Variants in SGIP1 observed in about 807,000 individuals in gnomAD.
SGIP1 encodes SH3GL interacting endocytic adaptor 1.
Under a neutral mutation model 107.5 loss-of-function variants are expected in SGIP1, and 38 were observed. The ratio of observed to expected loss-of-function variants is 0.35; its 90% confidence interval spans 0.27 to 0.46. The LOEUF (loss-of-function observed/expected upper bound fraction) is 0.46, where lower values mean the gene tolerates loss of function less well. SGIP1 is among the 20% of genes least tolerant of loss of function. The pLI, the probability that SGIP1 is intolerant of heterozygous loss-of-function variation, is 1.00. For synonymous variants in SGIP1, 365 were observed against 366.1 expected (o/e 1.00, Z 0.03); for missense variants, 929 against 1,019.5 (o/e 0.91, Z 1.21).
chr1:66,647,803 A>C (rs933713833), intron 7 of SGIP1, among the ~76,000 whole-genome samples: 1 of 152,160 alleles, frequency 6.6e-6, no homozygotes, highest in Non-Finnish European at 1.5e-5. Context: ...AGGCTGTTCC[A>C]TTGCTGAAAG....
At chr1:66,629,657 T>C (rs565114300) in intron 2 of SGIP1, among the ~76,000 whole-genome samples, 145 of 152,246 alleles carry the variant, frequency 9.5e-4, no homozygotes, top group African/African-American at 3.5e-3. Context: ...TGATTCTTTT[T>C]AAAATAGAAG....
At chr1:66,593,864 T>A (rs552471271) in intron 1 of SGIP1, among the ~76,000 whole-genome samples, 15 of 152,340 alleles carry the variant, frequency 9.8e-5, no homozygotes, top group Middle Eastern at 6.8e-3. Context: ...AAATCTCTTA[T>A]ATTTCCTGTT....
chr1:66,682,476 C>T, intron 15 of SGIP1, 107 bp downstream of exon 15: 1 of 1,363,896 alleles, frequency 7.3e-7, no homozygotes, highest in Non-Finnish European at 1.0e-6. Flanking sequence ...GAGCTTCAGC[C>T]CTCACTCCTC....
At chr1:66,667,388 A>G (rs1370170817) in intron 8 of SGIP1, 142 bp from the exon 9 acceptor site, 1 of 786,734 alleles carries the variant, frequency 1.3e-6, no homozygotes, top group African/African-American at 1.7e-5. Context: ...AAACACTAGG[A>G]CTGCCTGTCT....
At chr1:66,669,022 A>G (rs903597273) in intron 9 of SGIP1, among the ~76,000 whole-genome samples, 7 of 152,358 alleles carry the variant, frequency 4.6e-5, no homozygotes, top group African/African-American at 1.7e-4. Context: ...CCCATCCAGC[A>G]GATAGCAGGA....
intron 7 of SGIP1, among the ~76,000 whole-genome samples, chr1:66,659,958 G>GAAAAA (rs1421793335): frequency 3.5e-4 from 8 of 23,102 alleles, no homozygotes; most frequent in African/African-American, 1.6e-3. Flanking sequence ...GAAAAAGAAA[G>GAAAAA]AAAGAAAGAA....
chr1:66,554,929 C>T (rs898037955), intron 1 of SGIP1, among the ~76,000 whole-genome samples: 4 of 152,116 alleles, frequency 2.6e-5, no homozygotes, highest in African/African-American at 7.2e-5. Flanking sequence ...AAGTGAGTAA[C>T]CTTAGAGATG....
chr1:66,689,419 G>A (rs1487279407), intron 16 of SGIP1, 144 bp downstream of exon 16: 3 of 1,065,706 alleles, frequency 2.8e-6, no homozygotes, highest in Non-Finnish European at 4.0e-6. Flanking sequence ...TGCGGTATGA[G>A]TGTACATTTC....
intron 19 of SGIP1, among the ~76,000 whole-genome samples, chr1:66,719,679 G>A (rs1269285504): frequency 2.6e-5 from 4 of 152,032 alleles, no homozygotes; most frequent in East Asian, 1.9e-4. Context: ...CTTTGATTCC[G>A]CTTTGGTTGC....
intron 15 of SGIP1, among the ~76,000 whole-genome samples, chr1:66,686,510 G>C (rs1249992018): frequency 1.3e-5 from 2 of 152,158 alleles, no homozygotes; most frequent in African/African-American, 4.8e-5. Flanking sequence ...GAAAATTGAA[G>C]AGTGAGGATA....
chr1:66,707,351 C>A, intron 18 of SGIP1, among the ~76,000 whole-genome samples: 1 of 152,228 alleles, frequency 6.6e-6, no homozygotes, highest in Non-Finnish European at 1.5e-5. Context: ...CACTTCTGGC[C>A]ATCAGCAGTT....
intron 1 of SGIP1, among the ~76,000 whole-genome samples, chr1:66,619,318 T>C (rs72918452): frequency 0.02 from 3,071 of 152,328 alleles, 103 homozygotes; most frequent in African/African-American, 0.071. Flanking sequence ...AATAAAGAGC[T>C]ATTAGAGAAA....
At chr1:66,707,270 A>G (rs557521723) in intron 18 of SGIP1, among the ~76,000 whole-genome samples, 11 of 152,158 alleles carry the variant, frequency 7.2e-5, no homozygotes, top group Non-Finnish European at 1.6e-4. Context: ...GCTGGCCACT[A>G]TCTTCAGTAT....
Position 66,679,696 on chromosome 1 carries a change from CA to C in SGIP1, c.764del (p.Asn255MetfsTer13). ...FPTGTPPPLPPKNVPATPPRT... is the reference protein window; with the variant it reads ...FPTGTPPPLPXKNVPATPPRT... ...TTTGCAGCACCTCCACCACTGCCTCCAAAAAATGTACCAGCTACCCCACCCC... is the reference window on the plus strand; with the variant it reads ...TTTGCAGCACCTCCACCACTGCCTCCAAAAATGTACCAGCTACCCCACCCC... On this transcript the variant is annotated frameshift_variant, in exon 14 of 25. Coordinates refer to ENST00000371037, the MANE Select transcript of SGIP1 (RefSeq NM_032291.4). LOFTEE classifies it high-confidence loss of function. The C allele has an allele frequency of 6.2e-7, 1 of 1,606,390 alleles. No individual in the cohort carries two copies.
chr1:66,611,843 C>G (rs2068077891), intron 1 of SGIP1, among the ~76,000 whole-genome samples: 1 of 152,070 alleles, frequency 6.6e-6, no homozygotes, highest in Non-Finnish European at 1.5e-5. Flanking sequence ...AAAGAACTGG[C>G]TGGGGAGGAA....
chr1:66,682,241 C>T lies in SGIP1; in HGVS notation c.1187C>T (p.Thr396Ile). 12 of 1,614,226 alleles carry T rather than the reference C, an allele frequency of 7.4e-6. No homozygotes were observed. Among genetic ancestry groups the T allele is most frequent in the Non-Finnish European group, 1.0e-5 (12 of 1,180,040 alleles). The stretch of plus-strand genomic sequence containing the variant: ...TTCATTAAAGATGATTACTTAGAAA[C>T]AATCTCATCTCCTAAAGATTTTGGG... ...QTFIKDDYLETISSPKDFGLG... is the reference protein window; with the variant it reads ...QTFIKDDYLEIISSPKDFGLG... The change falls in exon 15 of 25, where the codon ACA becomes ATA. Residue 396 changes from threonine to isoleucine, a missense_variant. This residue lies in a region of SGIP1 where 588 missense variants were observed against 588.6 expected (regional missense o/e 1.00). Coordinates refer to ENST00000371037, the MANE Select transcript of SGIP1 (RefSeq NM_032291.4).
chr1:66,559,422 G>C (rs1051388654), intron 1 of SGIP1, among the ~76,000 whole-genome samples: 2 of 152,042 alleles, frequency 1.3e-5, no homozygotes, highest in Non-Finnish European at 2.9e-5. Context: ...ACCTACATAA[G>C]CACATGCATG....
intron 1 of SGIP1, among the ~76,000 whole-genome samples, chr1:66,617,817 A>G (rs1435211160): frequency 6.6e-6 from 1 of 152,090 alleles, no homozygotes; most frequent in Non-Finnish European, 1.5e-5. Flanking sequence ...AACTTGCCTA[A>G]AAATATCTCT....
At chr1:66,673,455 A>T in intron 12 of SGIP1, 89 bp downstream of exon 12, 1 of 1,126,190 alleles carries the variant, frequency 8.9e-7, no homozygotes, top group South Asian at 2.1e-5. Context: ...ATTTTGAGGT[A>T]TATTTTTAAT....
Sources: allele counts gnomAD v4.1 joint callset (sites outside exome capture counted in the v4.1 genomes callset), GRCh38; gene constraint gnomAD v4.1.1; regional missense constraint gnomAD v4.1.1; transcripts MANE v1.5; gene names NCBI Gene and HGNC (gene_info 2026-07-23, HGNC 2026-07-21).